The following JMY variants were observed in gnomAD, a reference collection of about 807,000 sequenced individuals.
JMY encodes junction-mediating and -regulatory protein.
Under a neutral mutation model 103.3 loss-of-function variants are expected in JMY, and 46 were observed. The observed-to-expected ratio is 0.45, with a 90% CI of 0.35 to 0.57. JMY has a LOEUF of 0.57. JMY is among the 20% of genes least tolerant of loss of function. JMY has a pLI of 0.00. For missense variants in JMY, 1,238 were observed against 1,255.2 expected, an observed-to-expected ratio of 0.99 and a Z score of 0.21; for synonymous variants, 526 against 489.3, an observed-to-expected ratio of 1.07 and a Z score of -0.99.
chr5:79,302,079 G>A (rs1345375109), intron 6 of JMY, among the ~76,000 whole-genome samples: 3 of 86,422 alleles, frequency 3.5e-5, no homozygotes, highest in Admixed American at 1.5e-4. Flanking sequence ...GTGAAACTCC[G>A]TCTCAAAAAA....
At position 79,303,260 on chromosome 5, in the gene JMY, G is replaced by A. The variant is rs145954435; in HGVS notation, c.1881+2397G>A. Among the ~76,000 whole-genome samples, 1,454 of 152,084 alleles carry A rather than the reference G, an allele frequency of 9.6e-3. 26 individuals carry two copies. Among genetic ancestry groups the A allele is most frequent in the African/African-American group, 0.033 (1,368 of 41,502 alleles). On this transcript the variant is annotated intron_variant, in intron 6 of 10. Coordinates refer to ENST00000396137, the MANE Select transcript of JMY (RefSeq NM_152405.5). ...TTTTATTTATTTTTTTATAGAGACA[G>A]GGGCTCACTATGTTGCCCAGGCTGG... is the stretch of plus-strand genomic sequence containing the variant.
At chr5:79,256,155 TC>T (rs1329910188) in intron 1 of JMY, among the ~76,000 whole-genome samples, 1 of 152,216 alleles carries the variant, frequency 6.6e-6, no homozygotes, top group Non-Finnish European at 1.5e-5. Flanking sequence ...GTGGAGTCCT[TC>T]CCACTTTTCC....
intron 1 of JMY, among the ~76,000 whole-genome samples, chr5:79,242,800 T>A (rs57459711): frequency 0.017 from 2,573 of 148,426 alleles, 76 homozygotes; most frequent in African/African-American, 0.059. Context: ...TTTTTTTTTT[T>A]AAAGACAGTG....
At chr5:79,279,520 G>C (rs1310711015) in intron 2 of JMY, among the ~76,000 whole-genome samples, 1 of 152,148 alleles carries the variant, frequency 6.6e-6, no homozygotes, top group African/African-American at 2.4e-5. Context: ...CATTATGTAA[G>C]ATTGAGTATT....
At chr5:79,259,258 C>A (rs1745345821) in intron 1 of JMY, among the ~76,000 whole-genome samples, 1 of 152,172 alleles carries the variant, frequency 6.6e-6, no homozygotes. Context: ...CAGCCCTCAG[C>A]AGAGAGGAGA....
At chr5:79,307,785 C>T (rs1029381945) in intron 7 of JMY, among the ~76,000 whole-genome samples, 1 of 152,146 alleles carries the variant, frequency 6.6e-6, no homozygotes, top group Non-Finnish European at 1.5e-5. Context: ...GTCACCAAGG[C>T]TGGAGTGCAG....
chr5:79,278,661 AG>A (rs1350360598), intron 2 of JMY, among the ~76,000 whole-genome samples: 3 of 149,606 alleles, frequency 2.0e-5, no homozygotes, highest in Non-Finnish European at 4.4e-5. Context: ...TCAGCTACTT[AG>A]GAGGCTGAGG....
At chr5:79,250,551 C>T (rs191583826) in intron 1 of JMY, among the ~76,000 whole-genome samples, 334 of 152,018 alleles carry the variant, frequency 2.2e-3, no homozygotes, top group Non-Finnish European at 3.6e-3. Context: ...AAGCATTAAC[C>T]TCTGGAAGCC....
At chr5:79,293,403 CTT>C (rs5868984) in intron 4 of JMY, among the ~76,000 whole-genome samples, 2,024 of 146,578 alleles carry the variant, frequency 0.014, 29 homozygotes, top group Middle Eastern at 0.017. Flanking sequence ...CTTTTTTTAA[CTT>C]TTTTTTTTTT....
chr5:79,315,323 A>G (rs1427251569), intron 9 of JMY, among the ~76,000 whole-genome samples: 2 of 152,188 alleles, frequency 1.3e-5, no homozygotes, highest in Admixed American at 6.5e-5. Flanking sequence ...TCAACTTACA[A>G]TGTGACAGAT....
In JMY at chr5:79,247,340, T is replaced by A. The variant is rs529941951; in HGVS notation, c.1032+9658T>A. Among the ~76,000 whole-genome samples, 58 of 152,296 alleles carry A rather than the reference T, an allele frequency of 3.8e-4. 1 individual carries two copies. The highest frequency in any genetic ancestry group is 1.3e-3 in the African/African-American group (55 of 41,560). On this transcript the variant is annotated intron_variant, in intron 1 of 10. Coordinates refer to ENST00000396137, the MANE Select transcript of JMY (RefSeq NM_152405.5). ...TTTTTTGAGATGGAGTCTCACTCTGTCACCCAGGCTGGAGTGTGGTGGCGT... is the reference window on the plus strand; with the variant it reads ...TTTTTTGAGATGGAGTCTCACTCTGACACCCAGGCTGGAGTGTGGTGGCGT...
At chr5:79,296,120 A>G (rs1461385620) in intron 4 of JMY, among the ~76,000 whole-genome samples, 1 of 152,230 alleles carries the variant, frequency 6.6e-6, no homozygotes, top group Non-Finnish European at 1.5e-5. Context: ...GATAGAGCAT[A>G]TAACTTCAGA....
chr5:79,275,125 A>C (rs1745899825), intron 1 of JMY, among the ~76,000 whole-genome samples: 1 of 150,696 alleles, frequency 6.6e-6, no homozygotes, highest in Admixed American at 6.6e-5. Context: ...TCTTCAAGCC[A>C]GCAAGCCAAC....
intron 2 of JMY, among the ~76,000 whole-genome samples, chr5:79,283,029 T>A (rs1561303316): frequency 6.6e-6 from 1 of 151,040 alleles, no homozygotes; most frequent in Non-Finnish European, 1.5e-5. Flanking sequence ...GGAGTTTCAC[T>A]CTTGTTGCCC....
In JMY at chr5:79,313,866, A is replaced by T. The variant is rs149760619; in HGVS notation, c.2065-391A>T. 5.7e-3 allele frequency among the ~76,000 whole-genome samples: 864 copies of T among 152,302 alleles called. 8 individuals are homozygous for T. Among genetic ancestry groups the T allele is most frequent in the Non-Finnish European group, 9.5e-3 (644 of 68,020 alleles). On this transcript the variant is annotated intron_variant, in intron 8 of 10. Coordinates refer to ENST00000396137, the MANE Select transcript of JMY (RefSeq NM_152405.5). ...AGGGTGAAATAACCAATAAGCCAAC[A>T]TAACATTTTTGAGATGGAATCTCAC...
At chr5:79,290,301 G>C (rs749684431) in intron 3 of JMY, 30 bp downstream of exon 3, 1 of 1,426,148 alleles carries the variant, frequency 7.0e-7, no homozygotes, top group Non-Finnish European at 9.3e-7. Context: ...TATCCTTTAG[G>C]TATTTTTGAA....
chr5:79,258,772 A>G (rs765539710), intron 1 of JMY, among the ~76,000 whole-genome samples: 4 of 152,114 alleles, frequency 2.6e-5, no homozygotes, highest in Non-Finnish European at 5.9e-5. Context: ...AGAGGGTGTC[A>G]CCGCTCTGGC....
intron 2 of JMY, chr5:79,284,495 G>A: frequency 1.3e-6 from 2 of 1,587,528 alleles, no homozygotes; most frequent in Admixed American, 1.7e-5. Context: ...GCGTTTTTTA[G>A]TAAAACCAAC....
rs759301275 is a variant in JMY, at chr5:79,278,067, G to A, written c.1190G>A (p.Arg397Gln). The A allele has an allele frequency of 9.9e-6, 16 of 1,611,996 alleles. No individual in the cohort carries two copies. The highest frequency in any genetic ancestry group is 6.6e-5 in the South Asian group (6 of 90,874). ...FRDMRELAML[R>Q]RQQIKISMEN... Reference sequence around the variant, plus strand: ...GACATGAGAGAACTTGCCATGCTACGAAGACAGCAGATCAAGGTATTTTTT... The same window carrying A: ...GACATGAGAGAACTTGCCATGCTACAAAGACAGCAGATCAAGGTATTTTTT... The change falls in exon 2 of 11, where the codon CGA becomes CAA. Residue 397 changes from arginine to glutamine, a missense_variant. Physicochemically the swap from Arg to Gln is conservative, Grantham distance 43. Transcript: ENST00000396137.
Sources: gnomAD v4.1 joint callset for allele counts (sites outside exome capture counted in the v4.1 genomes callset) on GRCh38, gnomAD v4.1.1 for gene constraint, MANE v1.5 for transcripts, NCBI Gene and HGNC (gene_info 2026-07-23, HGNC 2026-07-21) for gene names.